Variants in SGCD observed in about 807,000 individuals in gnomAD.
The protein encoded by SGCD is delta-sarcoglycan.
Under a neutral mutation model 36.6 loss-of-function variants are expected in SGCD, and 18 were observed. The observed-to-expected ratio is 0.49, with a 90% CI of 0.34 to 0.73. The LOEUF (loss-of-function observed/expected upper bound fraction) is 0.73. SGCD is among the 30% of genes least tolerant of loss of function. The probability of loss-of-function intolerance (pLI) is 0.01; values close to 1 mark genes in which losing one functional copy is unlikely to be tolerated. For missense variants in SGCD, 387 were observed against 346.7 expected, an observed-to-expected ratio of 1.12 and a Z score of -0.92; for synonymous variants, 133 against 130.6, an observed-to-expected ratio of 1.02 and a Z score of -0.12.
At chr5:156,304,712 T>A (rs2202432) in intron 3 of SGCD, among the ~76,000 whole-genome samples, 114,295 of 152,120 alleles carry the variant, frequency 0.75, 43,987 homozygotes, top group African/African-American at 0.92. Context: ...TGAAGAAGAC[T>A]GGAAAATGTG....
At chr5:156,401,744 G>A (rs1208526598) in intron 3 of SGCD, among the ~76,000 whole-genome samples, 1 of 141,412 alleles carries the variant, frequency 7.1e-6, no homozygotes, top group Admixed American at 7.1e-5. Flanking sequence ...AAGTAGTCAT[G>A]GTCTTTTCCC....
chr5:156,217,356 C>G (rs567190556), intron 3 of SGCD, among the ~76,000 whole-genome samples: 1 of 152,096 alleles, frequency 6.6e-6, no homozygotes, highest in Non-Finnish European at 1.5e-5. Context: ...AAAATCAAAT[C>G]CTAATCTTTC....
chr5:155,970,007 C>T (rs984664969), intron 1 of SGCD, among the ~76,000 whole-genome samples: 1 of 151,606 alleles, frequency 6.6e-6, no homozygotes, highest in African/African-American at 2.4e-5. Context: ...AGCCTTTAGT[C>T]AACAGGACAC....
intron 3 of SGCD, among the ~76,000 whole-genome samples, chr5:156,377,009 T>TTC (rs1461892157): frequency 6.6e-6 from 1 of 152,034 alleles, no homozygotes; most frequent in Non-Finnish European, 1.5e-5. Flanking sequence ...GCATGCCTCT[T>TTC]CAACAGTTTT....
At chr5:156,475,014 A>G (rs1158746353) in intron 3 of SGCD, among the ~76,000 whole-genome samples, 1 of 152,242 alleles carries the variant, frequency 6.6e-6, no homozygotes, top group Admixed American at 6.5e-5. Flanking sequence ...AGTGACTGGC[A>G]TATAATAAGC....
chr5:155,967,902 C>T (rs372023920), intron 1 of SGCD, among the ~76,000 whole-genome samples: 2 of 151,948 alleles, frequency 1.3e-5, no homozygotes, highest in Admixed American at 6.6e-5. Flanking sequence ...TGAACATCGT[C>T]GGGAGTGATT....
intron 5 of SGCD, among the ~76,000 whole-genome samples, chr5:156,591,067 C>T (rs1243264985): frequency 6.6e-6 from 1 of 152,124 alleles, no homozygotes; most frequent in Non-Finnish European, 1.5e-5. Context: ...CACATACACA[C>T]ATGCAACAAT....
At chr5:156,676,426 T>C (rs1445432202) in intron 7 of SGCD, among the ~76,000 whole-genome samples, 1 of 152,180 alleles carries the variant, frequency 6.6e-6, no homozygotes, top group Non-Finnish European at 1.5e-5. Context: ...CCCAGCAGTA[T>C]TTTTCAAAGG....
At chr5:156,546,294 T>C (rs939514137) in intron 4 of SGCD, among the ~76,000 whole-genome samples, 1 of 152,356 alleles carries the variant, frequency 6.6e-6, no homozygotes, top group African/African-American at 2.4e-5. Flanking sequence ...GGATGTTATA[T>C]CTACAAATGT....
At chr5:156,086,731 AG>A (rs1260738238) in intron 1 of SGCD, among the ~76,000 whole-genome samples, 1 of 152,214 alleles carries the variant, frequency 6.6e-6, no homozygotes, top group African/African-American at 2.4e-5. Flanking sequence ...ACATGGTGCA[AG>A]GGGGTACCTG....
intron 3 of SGCD, among the ~76,000 whole-genome samples, chr5:156,492,751 C>T (rs528883365): frequency 2.6e-5 from 4 of 152,148 alleles, no homozygotes; most frequent in African/African-American, 9.6e-5. Context: ...ATGTGATGTT[C>T]CCCTCCCTGT....
chr5:156,236,411 C>T (rs1765163676), intron 3 of SGCD, among the ~76,000 whole-genome samples: 1 of 151,782 alleles, frequency 6.6e-6, no homozygotes, highest in African/African-American at 2.4e-5. Context: ...ACAACTGAAA[C>T]ATACAACTGA....
At chr5:155,965,197 A>G (rs1257591883) in intron 1 of SGCD, among the ~76,000 whole-genome samples, 1 of 152,104 alleles carries the variant, frequency 6.6e-6, no homozygotes, top group African/African-American at 2.4e-5. Context: ...TGTATACCTG[A>G]TGTTTGACCT....
chr5:156,363,635 T>C (rs576591793), intron 3 of SGCD, among the ~76,000 whole-genome samples: 1 of 152,328 alleles, frequency 6.6e-6, no homozygotes, highest in South Asian at 2.1e-4. Flanking sequence ...TGAGCCAGAT[T>C]CTCTTGCTGT....
At chr5:156,182,645 A>G (rs1763636432) in intron 3 of SGCD, among the ~76,000 whole-genome samples, 1 of 152,154 alleles carries the variant, frequency 6.6e-6, no homozygotes, top group South Asian at 2.1e-4. Context: ...TCATCCATTC[A>G]TATATGGTCA....
chr5:156,229,273 C>A (rs7730492), intron 3 of SGCD, among the ~76,000 whole-genome samples: 3 of 8,578 alleles, frequency 3.5e-4, no homozygotes, highest in African/African-American at 4.9e-4. Context: ...TATATATATA[C>A]ATACATATAT....
At chr5:155,998,590 C>T (rs1011046945) in intron 1 of SGCD, among the ~76,000 whole-genome samples, 2 of 152,100 alleles carry the variant, frequency 1.3e-5, no homozygotes, top group African/African-American at 2.4e-5. Context: ...GGTGGCACAT[C>T]GTTCTCTGTG....
chr5:156,159,957 C>T (rs1390663637), intron 3 of SGCD, among the ~76,000 whole-genome samples: 1 of 151,466 alleles, frequency 6.6e-6, no homozygotes, highest in Non-Finnish European at 1.5e-5. Context: ...TCTTAAGTCC[C>T]ATGGAAGACT....
At chr5:156,495,767 C>T (rs1413908602) in intron 3 of SGCD, among the ~76,000 whole-genome samples, 1 of 152,152 alleles carries the variant, frequency 6.6e-6, no homozygotes, top group Non-Finnish European at 1.5e-5. Context: ...CCTTTATCAA[C>T]AATAGCTCAG....
Sources: allele counts gnomAD v4.1 joint callset (sites outside exome capture counted in the v4.1 genomes callset), GRCh38; gene constraint gnomAD v4.1.1; transcripts MANE v1.5; gene names NCBI Gene and HGNC (gene_info 2026-07-23, HGNC 2026-07-21).